ARHGEF4: variants seen among roughly 807,000 people sequenced by gnomAD.
ARHGEF4 encodes Rho guanine nucleotide exchange factor 4.
In ARHGEF4, 119 loss-of-function variants were observed where a neutral mutation model predicts 162.0. The observed-to-expected ratio is 0.73, with a 90% CI of 0.63 to 0.86. ARHGEF4 has a LOEUF of 0.86. Ranked by LOEUF, ARHGEF4 falls within the 40% of genes least tolerant of loss-of-function variation. The probability of loss-of-function intolerance (pLI) is 0.00; values close to 1 mark genes in which losing one functional copy is unlikely to be tolerated. For synonymous variants in ARHGEF4, 1,014 were observed against 979.9 expected (o/e 1.03, Z -0.65); for missense variants, 2,488 against 2,456.0 (o/e 1.01, Z -0.28).
chr2:130,998,256 G>C (rs953862629), intron 4 of ARHGEF4, among the ~76,000 whole-genome samples: 6 of 152,084 alleles, frequency 3.9e-5, no homozygotes, highest in Admixed American at 3.9e-4. Context: ...GCAGTTTTAG[G>C]TTTATAGAAA....
At chr2:130,848,138 G>A (rs1681127376) in intron 1 of ARHGEF4, among the ~76,000 whole-genome samples, 1 of 152,204 alleles carries the variant, frequency 6.6e-6, no homozygotes, top group African/African-American at 2.4e-5. Context: ...CAGGCCATCT[G>A]CACAGGATGG....
chr2:130,936,565 C>CT (rs370632227), intron 3 of ARHGEF4, among the ~76,000 whole-genome samples: 1 of 152,036 alleles, frequency 6.6e-6, no homozygotes, highest in Non-Finnish European at 1.5e-5. Flanking sequence ...TCTGCTGAAC[C>CT]TTTTTTTTCT....
intron 4 of ARHGEF4, among the ~76,000 whole-genome samples, chr2:130,956,226 T>C (rs1054147589): frequency 1.3e-5 from 2 of 152,084 alleles, no homozygotes; most frequent in African/African-American, 4.8e-5. Context: ...AAAATGCTCA[T>C]CATCACTGGC....
rs1681568936 is a variant in ARHGEF4 at position 130,917,429 on chromosome 2, C to A, written c.3483C>A (p.Ser1161Arg). ...TLNQDEQKEE[S>R]REGGQGPRGL... is the part of the protein sequence containing the mutation. ...ACCAAGATGAGCAGAAGGAAGAGAG[C>A]AGGGAAGGAGGCCAGGGTCCGCGCG... Residue 1161 changes from serine (S) to arginine (R), a missense_variant, in exon 2 of 14, where the codon AGC becomes AGA. Physicochemically the swap from Ser to Arg is moderately radical, Grantham distance 110. This residue lies in a region of ARHGEF4 where 1,642 missense variants were observed against 1,481.5 expected (regional missense o/e 1.11). Transcript: ENST00000409359. The A allele has an allele frequency of 6.4e-7, 1 of 1,550,508 alleles. No homozygotes were observed. The highest frequency in any genetic ancestry group is 2.0e-5 in the Admixed American group (1 of 50,992).
At chr2:130,893,128 T>TG (rs1679955207) in intron 1 of ARHGEF4, among the ~76,000 whole-genome samples, 1 of 152,330 alleles carries the variant, frequency 6.6e-6, no homozygotes, top group South Asian at 2.1e-4. Context: ...CGTCCACCTG[T>TG]GGTTTCACGC....
chr2:130,892,657 C>T (rs941632612), intron 1 of ARHGEF4, among the ~76,000 whole-genome samples: 1 of 152,174 alleles, frequency 6.6e-6, no homozygotes, highest in Non-Finnish European at 1.5e-5. Context: ...CTGAGGACTA[C>T]AGCCAGGGTG....
At chr2:130,964,023 G>C (rs1684819380) in intron 4 of ARHGEF4, 2 of 330,988 alleles carry the variant, frequency 6.0e-6, no homozygotes, top group Admixed American at 1.3e-4. Flanking sequence ...CGAGCCTGTG[G>C]CTGGAGCTCG....
chr2:130,974,600 G>A (rs1169627944), intron 4 of ARHGEF4, among the ~76,000 whole-genome samples: 5 of 144,672 alleles, frequency 3.5e-5, no homozygotes, highest in Admixed American at 7.2e-5. Flanking sequence ...GTAGGCACAC[G>A]CCACCACACC....
At chr2:130,840,926 G>C (rs1173057024) in intron 1 of ARHGEF4, among the ~76,000 whole-genome samples, 1 of 152,176 alleles carries the variant, frequency 6.6e-6, no homozygotes, top group Admixed American at 6.5e-5. Flanking sequence ...AAGGAGTTTT[G>C]GGTCTATTGA....
rs1488470277 is a variant in ARHGEF4, at chr2:130,914,454, C to T, written c.508C>T (p.Arg170Ter). The T allele has an allele frequency of 4.9e-6, 7 of 1,433,460 alleles. No homozygotes were observed. The highest frequency in any genetic ancestry group is 2.9e-5 in the African/African-American group (2 of 69,618). 88.8% of individuals were successfully genotyped at this position (1,433,460 alleles called of 1,614,324 possible). The change falls in exon 2 of 14, where the codon CGA (arginine) becomes TGA (stop). Residue 170 changes from arginine to a stop codon, truncating the protein, a stop_gained. Coordinates refer to ENST00000409359, the MANE Select transcript of ARHGEF4 (RefSeq NM_001367493.1). LOFTEE classifies it high-confidence loss of function. Reference protein sequence around the residue: ...HLWDCATSLERESLLAGVPRH... With the variant: ...HLWDCATSLE ...CTGGGACTGCGCGACCAGCCTGGAG[C>T]GAGAGTCTTTGCTGGCAGGGGTTCC... is the stretch of plus-strand genomic sequence containing the variant.
At chr2:130,886,682 A>G (rs1401394064) in intron 1 of ARHGEF4, among the ~76,000 whole-genome samples, 2 of 98,510 alleles carry the variant, frequency 2.0e-5, no homozygotes. Flanking sequence ...CTCTGTCTCA[A>G]AAAAAAAAAA....
chr2:130,969,856 C>T (rs1167764957), intron 4 of ARHGEF4, among the ~76,000 whole-genome samples: 2 of 152,154 alleles, frequency 1.3e-5, no homozygotes, highest in Non-Finnish European at 2.9e-5. Flanking sequence ...AGGGATTTGT[C>T]TCTTCCATGA....
intron 4 of ARHGEF4, among the ~76,000 whole-genome samples, chr2:130,977,036 G>A (rs1685773853): frequency 6.6e-6 from 1 of 151,156 alleles, no homozygotes; most frequent in Non-Finnish European, 1.5e-5. Context: ...AGTGTGAATG[G>A]TGTGTGTGTT....
At chr2:130,963,244 G>T (rs1353991415) in intron 4 of ARHGEF4, among the ~76,000 whole-genome samples, 1 of 152,130 alleles carries the variant, frequency 6.6e-6, no homozygotes, top group African/African-American at 2.4e-5. Context: ...GGTGTGTCCT[G>T]CCCGGGCTGT....
At chr2:130,982,070 C>T (rs1383947362) in intron 4 of ARHGEF4, among the ~76,000 whole-genome samples, 1 of 152,138 alleles carries the variant, frequency 6.6e-6, no homozygotes, top group African/African-American at 2.4e-5. Context: ...ATTGTGTTGG[C>T]TCACTGCAAC....
rs377066078 is a variant in ARHGEF4, at chr2:131,021,611, A to G, written c.3986-6334A>G. ...TAAAACACCAAAAGCAATGGCAACA[A>G]AAGCCAAAATTGACAAATGGGATCT... On this transcript the variant is annotated intron_variant, in intron 4 of 13. Transcript: ENST00000409359. Among the ~76,000 whole-genome samples, 459 of 152,352 alleles carry G rather than the reference A, an allele frequency of 3.0e-3. 1 individual carries two copies. Among genetic ancestry groups the G allele is most frequent in the South Asian group, 4.1e-3 (20 of 4,826 alleles).
rs1428131676 is a variant in ARHGEF4 at position 130,962,824 on chromosome 2, G to C, written c.3985+16189G>C. ...TACATGGGGTCGGGGCGGGGAGGGG[G>C]GCAGTAAGGGGAAGGCCATCAGCAG... On this transcript the variant is annotated intron_variant, in intron 4 of 13. Coordinates refer to ENST00000409359, the MANE Select transcript of ARHGEF4 (RefSeq NM_001367493.1). Among the ~76,000 whole-genome samples the C allele has an allele frequency of 4.6e-5, 7 of 152,208 alleles. No individual in the cohort carries two copies. In the East Asian group the frequency reaches 1.2e-3, roughly 25 times the overall value.
intron 4 of ARHGEF4, among the ~76,000 whole-genome samples, chr2:131,024,678 A>G (rs935305987): frequency 6.6e-5 from 10 of 152,212 alleles, no homozygotes; most frequent in Non-Finnish European, 1.5e-4. Flanking sequence ...TGTTTTTTAA[A>G]GAAAGAGAGA....
chr2:131,033,526 T>G (rs1690013248), intron 5 of ARHGEF4, among the ~76,000 whole-genome samples: 1 of 152,206 alleles, frequency 6.6e-6, no homozygotes, highest in South Asian at 2.1e-4. Context: ...TGTACCCTTC[T>G]GGGTGGCCAG....
Sources: gnomAD v4.1 joint callset for allele counts (sites outside exome capture counted in the v4.1 genomes callset) on GRCh38, gnomAD v4.1.1 for gene constraint, gnomAD v4.1.1 regional missense constraint, MANE v1.5 for transcripts, NCBI Gene and HGNC (gene_info 2026-07-23, HGNC 2026-07-21) for gene names.